Variants in OBSL1 observed in about 807,000 individuals in gnomAD.
OBSL1 encodes obscurin like cytoskeletal adaptor 1, also known as obscurin-like protein 1.
In OBSL1, 160 loss-of-function variants were observed where a neutral mutation model predicts 172.0. The observed-to-expected ratio is 0.93, with a 90% CI of 0.82 to 1.06. The LOEUF is 1.06. OBSL1 is among the 50% of genes least tolerant of loss of function. The pLI, the probability that OBSL1 is intolerant of heterozygous loss-of-function variation, is 0.00. For synonymous variants in OBSL1, 1,200 were observed against 1,196.3 expected (o/e 1.00, Z -0.06); for missense variants, 2,681 against 2,715.4 (o/e 0.99, Z 0.28).
At chr2:219,560,548 A>G (rs1336499968) in intron 8 of OBSL1, among the ~76,000 whole-genome samples, 1 of 144,560 alleles carries the variant, frequency 6.9e-6, no homozygotes, top group African/African-American at 2.5e-5. Context: ...CTGCTCCATT[A>G]GCCTCTGGCC....
rs575864840 is a variant in OBSL1, at chr2:219,554,512, G to A, written c.4838C>T (p.Ala1613Val). 2.1e-5 allele frequency: 34 copies of A among 1,613,336 alleles called. No individual in the cohort carries two copies. Among genetic ancestry groups the A allele is most frequent in the Middle Eastern group, 3.3e-4 (2 of 6,052 alleles). Reference protein sequence around the residue: ...LADSGCVSFTADSLRCAARLI... With the variant: ...LADSGCVSFTVDSLRCAARLI... The stretch of plus-strand genomic sequence containing the variant: ...TCTGGCTGCGCAGCGCAGGGAATCC[G>A]CTGTGAAGGAGACACAGCCTGAGTC... Residue 1613 changes from alanine to valine, a missense_variant, in exon 15 of 21, where the codon GCG becomes GTG. Transcript: ENST00000404537.
chr2:219,552,939 G>T lies in OBSL1; in HGVS notation c.5075C>A (p.Pro1692His). 1 of 1,535,992 alleles carries T rather than the reference G, an allele frequency of 6.5e-7. No homozygotes were observed. ...GCAGCTGTAGGTCCCGGCGTCCGAG[G>T]GGCCGCAGCGTCGCAGCTGGAGAAG... ...RRLLQLRRCG[P>H]SDAGTYSCAV... Residue 1692 changes from proline to histidine, a missense_variant, in exon 17 of 21, where the codon CCC becomes CAC. By Grantham distance (77) the Pro-to-His change is moderately conservative. This residue lies in a region of OBSL1 where 1,765 missense variants were observed against 1,748.3 expected (regional missense o/e 1.01). Transcript: ENST00000404537.
At chr2:219,563,750 G>C in intron 6 of OBSL1, 123 bp from the exon 7 acceptor site, 1 of 1,061,434 alleles carries the variant, frequency 9.4e-7, no homozygotes, top group Non-Finnish European at 1.4e-6. Context: ...AGGTCCTGCT[G>C]TGTAGGGACT....
chr2:219,566,918 G>A lies in OBSL1; in HGVS notation c.2046C>T (p.Ile682=). Residue 682 remains isoleucine, a synonymous_variant, in exon 5 of 21, where the codon ATC becomes ATT. Coordinates refer to ENST00000404537, the MANE Select transcript of OBSL1 (RefSeq NM_015311.3). ...IEQKGLQHRL[I]LHAVKHQDSG... is the part of the protein sequence containing the mutation. ...TGTCCTGGTGCTTGACGGCATGCAG[G>A]ATGAGTCTGTGCTGCAGACCCTTCT... 2 of 1,612,776 alleles carry A rather than the reference G, an allele frequency of 1.2e-6. No individual in the cohort carries two copies. The highest frequency in any genetic ancestry group is 1.7e-6 in the Non-Finnish European group (2 of 1,178,970).
intron 8 of OBSL1, among the ~76,000 whole-genome samples, chr2:219,562,173 AG>A (rs1164215975): frequency 1.3e-5 from 2 of 152,198 alleles, no homozygotes; most frequent in Non-Finnish European, 2.9e-5. Flanking sequence ...ATTCAGGGAA[AG>A]TGCTCAGTAA....
intron 12 of OBSL1, 87 bp downstream of exon 12, chr2:219,557,256 G>C (rs1053327677): frequency 6.1e-6 from 8 of 1,309,974 alleles, no homozygotes; most frequent in Non-Finnish European, 7.1e-6. Context: ...GCAGCAAAGC[G>C]GGGGTGGAGG....
Position 219,563,403 on chromosome 2 carries a change from G to GA in OBSL1, c.2631dup (p.Gln878SerfsTer7). ...GCACACTCATCTCCAGCGACGCACTGAAACTCGCCCCCGTCTGAGGGCTGG... is the reference window on the plus strand; with the variant it reads ...GCACACTCATCTCCAGCGACGCACTGAAAACTCGCCCCCGTCTGAGGGCTGG... On this transcript the variant is annotated frameshift_variant, in exon 7 of 21. Coordinates refer to ENST00000404537, the MANE Select transcript of OBSL1 (RefSeq NM_015311.3). LOFTEE classifies it high-confidence loss of function. The GA allele has an allele frequency of 6.2e-7, 1 of 1,608,072 alleles. No homozygotes were observed. Among genetic ancestry groups the GA allele is most frequent in the African/African-American group, 1.3e-5 (1 of 74,954 alleles).
chr2:219,553,574 C>T lies in OBSL1; in HGVS notation c.4989G>A (p.Lys1663=), dbSNP rs1222228522. The T allele has an allele frequency of 1.9e-6, 3 of 1,612,306 alleles. No homozygotes were observed. Among genetic ancestry groups the T allele is most frequent in the Admixed American group, 1.7e-5 (1 of 59,912 alleles). The part of the protein sequence containing the change: ...SQALADVTWE[K]DGNALTPSPR... ...GGCTTGGCTGGGGCTGGGATCTGAC[C>T]TTCTCCCAGGTAACATCAGCCAAAG... Residue 1663 remains lysine, a splice_region_variant and synonymous_variant, in exon 16 of 21, where the codon AAG becomes AAA. Coordinates refer to ENST00000404537, the MANE Select transcript of OBSL1 (RefSeq NM_015311.3).
Position 219,571,273 on chromosome 2 carries a change from CAG to C in OBSL1, c.-43_-42del, listed in dbSNP as rs1491488448. On this transcript the variant is annotated 5_prime_UTR_variant, in exon 1 of 21. Coordinates refer to ENST00000404537, the MANE Select transcript of OBSL1 (RefSeq NM_015311.3). ...CCTGCAGCGGCGAACGGTGGGGGGG[CAG>C]GGGGGGGTGCGGAGGGCGAGCCGAG... The C allele has an allele frequency of 3.5e-6, 3 of 861,594 alleles. No homozygotes were observed. The highest frequency in any genetic ancestry group is 4.4e-5 in the South Asian group (1 of 22,582). The allele number at this position is 861,594 out of a possible 1,614,324, so 53.4% of individuals were successfully genotyped here. A position where few individuals can be genotyped will look rare whatever the true frequency, so the allele number is the denominator to read the frequency against.
chr2:219,557,394 A>T lies in OBSL1; in HGVS notation c.4015T>A (p.Tyr1339Asn). The T allele has an allele frequency of 6.5e-7, 1 of 1,542,850 alleles. No homozygotes were observed. Among genetic ancestry groups the T allele is most frequent in the Non-Finnish European group, 8.7e-7 (1 of 1,143,268 alleles). Residue 1339 changes from tyrosine (Y) to asparagine (N), a missense_variant, in exon 12 of 21, where the codon TAC becomes AAC. Around this residue, in one of 5 missense-constraint regions of OBSL1, gnomAD observed 1,765 missense variants for 1,748.3 expected, o/e 1.01. Transcript: ENST00000404537. Reference protein sequence around the residue: ...QGARSGDAGEYLCDAPQDSRI... With the variant: ...QGARSGDAGENLCDAPQDSRI... ...CTGTCCTGGGGCGCATCGCACAGGT[A>T]CTCCCCAGCGTCCCCGCTCCGTGCC...
chr2:219,549,990 A>G (rs1695519184), downstream of OBSL1: 1 of 1,219,680 alleles, frequency 8.2e-7, no homozygotes, highest in Non-Finnish European at 1.1e-6. Flanking sequence ...ACTAGAAGGG[A>G]GGATTGTCTC....
chr2:219,549,952 C>A (rs994345861), downstream of OBSL1: 3 of 1,503,980 alleles, frequency 2.0e-6, no homozygotes, highest in East Asian at 4.6e-5. Context: ...CTGTCCCTCT[C>A]CCCAGCCTGG....
intron 20 of OBSL1, 177 bp from the exon 21 acceptor site, chr2:219,551,019 G>C: frequency 6.8e-7 from 1 of 1,466,890 alleles, no homozygotes; most frequent in Non-Finnish European, 9.0e-7. Flanking sequence ...AGCTAGGGGT[G>C]GGGCACAGCG....
chr2:219,557,367 G>A lies in OBSL1; in HGVS notation c.4042C>T (p.Arg1348Cys), dbSNP rs751611001. 8.6e-6 allele frequency: 13 copies of A among 1,513,158 alleles called. No homozygotes were observed. Among genetic ancestry groups the A allele is most frequent in the African/African-American group, 5.5e-5 (4 of 72,580 alleles). The allele number at this position is 1,513,158 out of a possible 1,614,324, so 93.7% of individuals were successfully genotyped here. A position where few individuals can be genotyped will look rare whatever the true frequency, so the allele number is the denominator to read the frequency against. Residue 1348 changes from arginine (R) to cysteine (C), a missense_variant, in exon 12 of 21, where the codon CGC becomes TGC. Arg to Cys is a radical substitution (Grantham distance 180). Coordinates refer to ENST00000404537, the MANE Select transcript of OBSL1 (RefSeq NM_015311.3). ...CCTTCCACGCTGACAAGGAAGATGC[G>A]GCTGTCCTGGGGCGCATCGCACAGG... ...EYLCDAPQDS[R>C]IFLVSVEEPL...
In OBSL1 at chr2:219,567,978, C is replaced by A. The variant is rs376967214; in HGVS notation, c.1283-9G>T. The A allele has an allele frequency of 4.3e-6, 7 of 1,612,344 alleles. No individual in the cohort carries two copies. The highest frequency in any genetic ancestry group is 1.7e-5 in the Admixed American group (1 of 59,970). Reference sequence around the variant, plus strand: ...GCGCTTCAGGATGGGCCCTGAGATGCGGACAGGAATCCATCAACCTGGAAT... The same window carrying A: ...GCGCTTCAGGATGGGCCCTGAGATGAGGACAGGAATCCATCAACCTGGAAT... On this transcript the variant is annotated splice_polypyrimidine_tract_variant and intron_variant, in intron 2 of 20. Transcript: ENST00000404537.
chr2:219,549,302 A>T (rs375652088), downstream of OBSL1: 1 of 1,613,772 alleles, frequency 6.2e-7, no homozygotes, highest in Non-Finnish European at 8.5e-7. Flanking sequence ...GACCCTGCTT[A>T]TCGGCGCAGG....
At position 219,565,301 on chromosome 2, in the gene OBSL1, C is replaced by T. The variant is rs747992316; in HGVS notation, c.2348G>A (p.Ser783Asn). 1 of 1,614,038 alleles carries T rather than the reference C, an allele frequency of 6.2e-7. No homozygotes were observed. The highest frequency in any genetic ancestry group is 8.5e-7 in the Non-Finnish European group (1 of 1,179,894). Residue 783 changes from serine (S) to asparagine (N), a missense_variant, in exon 6 of 21, where the codon AGT becomes AAT. By Grantham distance (46) the Ser-to-Asn change is conservative. This residue lies in a region of OBSL1 where 1,765 missense variants were observed against 1,748.3 expected (regional missense o/e 1.01). Coordinates refer to ENST00000404537, the MANE Select transcript of OBSL1 (RefSeq NM_015311.3). Reference protein sequence around the residue: ...LILPEAKVQDSGEFECRTEGV... With the variant: ...LILPEAKVQDNGEFECRTEGV... ...TTCTGTCCTGCACTCAAACTCGCCA[C>T]TGTCCTGGACTTTGGCCTCAGGCAG...
Position 219,571,461 on chromosome 2 carries a change from A to G in OBSL1, c.-229T>C, listed in dbSNP as rs1697350994. ...TTCCCGGGCCCGAAGCCTGGCGCTC[A>G]GGGGGCAGTCCTTCCTGTTTGCCTC... is the stretch of plus-strand genomic sequence containing the variant. On this transcript the variant is annotated 5_prime_UTR_variant, in exon 1 of 21. Coordinates refer to ENST00000404537, the MANE Select transcript of OBSL1 (RefSeq NM_015311.3). 3.3e-6 allele frequency: 1 copy of G among 303,816 alleles called. No homozygotes were observed. Among genetic ancestry groups the G allele is most frequent in the Non-Finnish European group, 6.0e-6 (1 of 165,856 alleles). The allele number at this position is 303,816 out of a possible 1,614,324, so 18.8% of individuals were successfully genotyped here.
At chr2:219,553,496 A>T in intron 16 of OBSL1, 78 bp downstream of exon 16, 1 of 1,018,916 alleles carries the variant, frequency 9.8e-7, no homozygotes, top group South Asian at 1.3e-5. Flanking sequence ...CGCTCAAGGA[A>T]TATTAGCTGT....
Sources: allele counts gnomAD v4.1 joint callset (sites outside exome capture counted in the v4.1 genomes callset), GRCh38; gene constraint gnomAD v4.1.1; regional missense constraint gnomAD v4.1.1; transcripts MANE v1.5; gene names NCBI Gene and HGNC (gene_info 2026-07-23, HGNC 2026-07-21).